NTAN1: variants seen among roughly 807,000 people sequenced by gnomAD.
The protein encoded by NTAN1 is protein N-terminal asparagine amidohydrolase.
Under a neutral mutation model 41.9 loss-of-function variants are expected in NTAN1, and 32 were observed. That is an observed-to-expected ratio of 0.76 (90% CI 0.58 to 1.03). The LOEUF is 1.03. Among genes scored for constraint, NTAN1 ranks in the 50% least tolerant of loss-of-function variants. The pLI is 0.00. For missense variants in NTAN1, 377 were observed against 377.5 expected, an observed-to-expected ratio of 1.00 and a Z score of 0.01; for synonymous variants, 140 against 139.5, an observed-to-expected ratio of 1.00 and a Z score of -0.03.
At position 15,038,347 on chromosome 16, in the gene NTAN1, GT is replaced by G; in HGVS notation, c.754-138del. On this transcript the variant is annotated intron_variant, in intron 9 of 9. Transcript: ENST00000287706. ...TTAAGAAATGAGGTGGCCTGAATTA[GT>G]AAGAAAAAAGTTGATTGCTTACTGC... 6.3e-6 allele frequency: 4 copies of G among 631,968 alleles called. No homozygotes were observed. The South Asian group carries it at 1.0e-4, about 16-fold the overall frequency. 39.1% of individuals were successfully genotyped at this position (631,968 alleles called of 1,614,324 possible). A position where few individuals can be genotyped will look rare whatever the true frequency, so the allele number is the denominator to read the frequency against.
In NTAN1 at chr16:15,044,397, G is replaced by T; in HGVS notation, c.370C>A (p.His124Asn). 2 of 1,612,536 alleles carry T rather than the reference G, an allele frequency of 1.2e-6. No individual in the cohort carries two copies. The highest frequency in any genetic ancestry group is 4.5e-5 in the East Asian group (2 of 44,878). Reference sequence around the variant, plus strand: ...TCGTCACTGAAGCCTCCAACAAGGTGTACTTCCAGCCTGGCAAAGAGATGA... The same window carrying T: ...TCGTCACTGAAGCCTCCAACAAGGTTTACTTCCAGCCTGGCAAAGAGATGA... ...DHAQCGRLEV[H>N]LVGGFSDDRQ... Residue 124 changes from histidine to asparagine, a missense_variant, in exon 5 of 10, where the codon CAC becomes AAC. Coordinates refer to ENST00000287706, the MANE Select transcript of NTAN1 (RefSeq NM_173474.4).
At chr16:15,038,282 T>C in intron 9 of NTAN1, 72 bp from the exon 10 acceptor site, 1 of 1,082,914 alleles carries the variant, frequency 9.2e-7, no homozygotes, top group Non-Finnish European at 1.4e-6. Context: ...GATGTCAAAG[T>C]ATCTTTGTTC....
intron 9 of NTAN1, 176 bp downstream of exon 9, chr16:15,038,398 G>C: frequency 9.6e-6 from 6 of 623,710 alleles, no homozygotes; most frequent in Non-Finnish European, 1.7e-5. Context: ...TTTCCATCTA[G>C]GACTTGACAT....
At chr16:15,042,983 C>G (rs934346923) in intron 5 of NTAN1, among the ~76,000 whole-genome samples, 2 of 151,900 alleles carry the variant, frequency 1.3e-5, no homozygotes, top group East Asian at 1.9e-4. Flanking sequence ...TCACCGCAAC[C>G]TATACCTCCC....
At chr16:15,045,878 C>T (rs1486736605) in intron 4 of NTAN1, 1 of 152,208 alleles carries the variant, frequency 6.6e-6, no homozygotes, top group African/African-American at 2.4e-5. Context: ...GAACCAGAAG[C>T]TTGGATGTAC....
Position 15,041,076 on chromosome 16 carries a change from T to C in NTAN1, c.533A>G (p.Tyr178Cys). ...EENENHFPVI[Y>C]GIAVNIKTAE... Reference sequence around the variant, plus strand: ...AGATGCACACTACTTACCAATGCCATATATTACTGGAAAGTGGTTTTCGTT... The same window carrying C: ...AGATGCACACTACTTACCAATGCCACATATTACTGGAAAGTGGTTTTCGTT... Residue 178 changes from tyrosine to cysteine, a missense_variant, in exon 7 of 10, where the codon TAT becomes TGT. Tyr to Cys is a radical substitution (Grantham distance 194, BLOSUM62 -2). Coordinates refer to ENST00000287706, the MANE Select transcript of NTAN1 (RefSeq NM_173474.4). 1 of 1,598,016 alleles carries C rather than the reference T, an allele frequency of 6.3e-7. No individual in the cohort carries two copies. The highest frequency in any genetic ancestry group is 8.6e-7 in the Non-Finnish European group (1 of 1,165,224).
chr16:15,047,604 G>A (rs1872873871), intron 3 of NTAN1, 54 bp from the exon 4 acceptor site: 7 of 1,297,350 alleles, frequency 5.4e-6, no homozygotes, highest in South Asian at 1.2e-5. Flanking sequence ...AGTGCAGTGC[G>A]CAGGCCGAGA....
chr16:15,039,369 G>T (rs1299877973), intron 8 of NTAN1, among the ~76,000 whole-genome samples: 1 of 152,142 alleles, frequency 6.6e-6, no homozygotes, highest in Non-Finnish European at 1.5e-5. Context: ...TTTCTTTGGG[G>T]TGGCCTGAAT....
chr16:15,040,269 G>A, intron 7 of NTAN1: 1 of 435,328 alleles, frequency 2.3e-6, no homozygotes, highest in South Asian at 5.5e-5. Flanking sequence ...TGAGGCTCGA[G>A]CTGGACTCGG....
At position 15,038,624 on chromosome 16, in the gene NTAN1, A is replaced by G. The variant is rs778891642; in HGVS notation, c.703T>C (p.Phe235Leu). The G allele has an allele frequency of 1.9e-6, 3 of 1,610,822 alleles. No homozygotes were observed. In the South Asian group the frequency reaches 3.3e-5, roughly 18 times the overall value. The change falls in exon 9 of 10, where the codon TTT (phenylalanine) becomes CTT (leucine). Residue 235 changes from phenylalanine to leucine, a missense_variant. Physicochemically the swap from Phe to Leu is conservative, Grantham distance 22. Coordinates refer to ENST00000287706, the MANE Select transcript of NTAN1 (RefSeq NM_173474.4). ...TGCAACCAGAAATCCACATGTGGAA[A>G]TGGTGTCCAGGAGTACGGTCCTATA... The part of the protein sequence containing the change: ...LRIGPYSWTP[F>L]PHVDFWLHQD...
intron 1 of NTAN1, among the ~76,000 whole-genome samples, chr16:15,051,409 G>A (rs535275008): frequency 3.3e-5 from 5 of 152,328 alleles, no homozygotes; most frequent in African/African-American, 1.2e-4. Context: ...CTGGAGTGCA[G>A]CGGCGAGATC....
intron 1 of NTAN1, among the ~76,000 whole-genome samples, chr16:15,048,501 T>G (rs2044170999): frequency 6.8e-6 from 1 of 148,042 alleles, no homozygotes; most frequent in South Asian, 2.2e-4. Context: ...ATTACAGGCA[T>G]GACCCACCAC....
Position 15,038,068 on chromosome 16 carries a change from T to C in NTAN1, c.896A>G (p.Asp299Gly), listed in dbSNP as rs2043607187. Residue 299 changes from aspartate to glycine, a missense_variant, in exon 10 of 10, where the codon GAT becomes GGT. Transcript: ENST00000287706. ...AGAAGAGATCTTTTCCCACAAGCCA[T>C]CTTCATTTTTTTTGTAGAGTAGGGC... ...NKALLYKKNE[D>G]GLWEKISSPG... 1 of 1,612,606 alleles carries C rather than the reference T, an allele frequency of 6.2e-7. No homozygotes were observed. The highest frequency in any genetic ancestry group is 8.5e-7 in the Non-Finnish European group (1 of 1,179,496).
rs1190435872 is a variant in NTAN1, at chr16:15,038,043, A to T, written c.921T>A (p.Ser307=). ...TAATTCATGTTTTTTAACTTCCTGG[A>T]GAAGAGATCTTTTCCCACAAGCCAT... ...NEDGLWEKIS[S]PGS The change falls in exon 10 of 10, where the codon TCT becomes TCA. Residue 307 remains serine (S), a synonymous_variant. Transcript: ENST00000287706. The T allele has an allele frequency of 6.8e-6, 11 of 1,611,432 alleles. No homozygotes were observed. The highest frequency in any genetic ancestry group is 8.5e-6 in the Non-Finnish European group (10 of 1,179,070).
In NTAN1 at chr16:15,047,915, T is replaced by C. The variant is rs1202245334; in HGVS notation, c.190A>G (p.Ile64Val). 5.6e-6 allele frequency: 9 copies of C among 1,613,220 alleles called. No homozygotes were observed. Among genetic ancestry groups the C allele is most frequent in the Non-Finnish European group, 7.6e-6 (9 of 1,179,276 alleles). Reference sequence around the variant, plus strand: ...GCATCATCAGAACCCAGAATGGAGATGGAGCCTGTTTAAAAAAGAAATAAA... The same window carrying C: ...GCATCATCAGAACCCAGAATGGAGACGGAGCCTGTTTAAAAAAGAAATAAA... Reference protein sequence around the residue: ...LAVTSPKDGSISILGSDDATT... With the variant: ...LAVTSPKDGSVSILGSDDATT... Residue 64 changes from isoleucine (I) to valine (V), a missense_variant, in exon 3 of 10, where the codon ATC becomes GTC. By Grantham distance (29) the Ile-to-Val change is conservative. Coordinates refer to ENST00000287706, the MANE Select transcript of NTAN1 (RefSeq NM_173474.4).
At chr16:15,041,969 TTA>T (rs2043836394) in intron 5 of NTAN1, among the ~76,000 whole-genome samples, 1 of 152,188 alleles carries the variant, frequency 6.6e-6, no homozygotes, top group Non-Finnish European at 1.5e-5. Flanking sequence ...ACCCATGGAT[TTA>T]TAAGATTTTT....
At chr16:15,043,623 G>T (rs1010881710) in intron 5 of NTAN1, among the ~76,000 whole-genome samples, 1 of 136,700 alleles carries the variant, frequency 7.3e-6, no homozygotes, top group African/African-American at 2.5e-5. Context: ...GTCAACACAC[G>T]ACAATGTTTT....
chr16:15,043,636 TTC>T (rs1419801705), intron 5 of NTAN1, among the ~76,000 whole-genome samples: 1 of 152,220 alleles, frequency 6.6e-6, no homozygotes, highest in Non-Finnish European at 1.5e-5. Context: ...AATGTTTTCT[TTC>T]TTTCTTTTTT....
chr16:15,041,740 G>GAGCAAGCC, intron 5 of NTAN1, 64 bp from the exon 6 acceptor site: 1 of 1,224,702 alleles, frequency 8.2e-7, no homozygotes, highest in Non-Finnish European at 1.2e-6. Context: ...ACAAACTGCT[G>GAGCAAGCC]AGCAAGCCAA....
Sources: gnomAD v4.1 joint callset for allele counts (sites outside exome capture counted in the v4.1 genomes callset) on GRCh38, gnomAD v4.1.1 for gene constraint, MANE v1.5 for transcripts, NCBI Gene and HGNC (gene_info 2026-07-23, HGNC 2026-07-21) for gene names.